The following NTRK2 variants were observed in gnomAD, a reference collection of about 807,000 sequenced individuals.
NTRK2 encodes BDNF/NT-3 growth factors receptor.
Under a neutral mutation model 94.5 loss-of-function variants are expected in NTRK2, and 13 were observed. That is an observed-to-expected ratio of 0.14 (90% CI 0.09 to 0.22). The LOEUF is 0.22. Ranked by LOEUF, NTRK2 falls within the 10% of genes least tolerant of loss-of-function variation. The pLI, the probability that NTRK2 is intolerant of heterozygous loss-of-function variation, is 1.00. For synonymous variants in NTRK2, 372 were observed against 407.4 expected (o/e 0.91, Z 1.05); for missense variants, 639 against 1,071.2 (o/e 0.60, Z 5.63).
intron 17 of NTRK2, among the ~76,000 whole-genome samples, chr9:84,981,291 TG>T (rs1420174872): frequency 1.3e-5 from 2 of 150,956 alleles, no homozygotes. Flanking sequence ...TAGTAGAGAG[TG>T]GTTTTTGCCA....
intron 17 of NTRK2, among the ~76,000 whole-genome samples, chr9:85,004,636 G>A (rs896795380): frequency 1.3e-5 from 2 of 152,102 alleles, no homozygotes; most frequent in African/African-American, 4.8e-5. Context: ...TTGACTAAGG[G>A]ATTTAGAGGC....
chr9:84,678,300 T>A (rs1476217538), intron 2 of NTRK2, among the ~76,000 whole-genome samples: 1 of 152,238 alleles, frequency 6.6e-6, no homozygotes, highest in Admixed American at 6.5e-5. Context: ...GCATTGACCC[T>A]GTTAGCCGAC....
At chr9:84,854,080 A>AAAAAG (rs924535393) in intron 12 of NTRK2, among the ~76,000 whole-genome samples, 5 of 151,932 alleles carry the variant, frequency 3.3e-5, no homozygotes, top group African/African-American at 4.8e-5. Context: ...TCAAAAAAAA[A>AAAAAG]AAAAGAAAAG....
At chr9:84,904,348 C>A (rs1200620711) in intron 14 of NTRK2, among the ~76,000 whole-genome samples, 1 of 152,148 alleles carries the variant, frequency 6.6e-6, no homozygotes, top group Admixed American at 6.5e-5. Context: ...GCAAGGCAAC[C>A]ATTTATTCTT....
At chr9:84,745,488 C>T (rs113251339) in intron 11 of NTRK2, among the ~76,000 whole-genome samples, 2,533 of 152,160 alleles carry the variant, frequency 0.017, 79 homozygotes, top group African/African-American at 0.057. Flanking sequence ...ATCATATGAA[C>T]AAAATTAAGA....
chr9:84,847,094 T>C (rs539773486), intron 12 of NTRK2, among the ~76,000 whole-genome samples: 2 of 152,322 alleles, frequency 1.3e-5, no homozygotes, highest in South Asian at 2.1e-4. Context: ...ATTGCTAAAA[T>C]AGGCTGTCCT....
chr9:84,728,870 A>AGTGG (rs1169237677), intron 9 of NTRK2, among the ~76,000 whole-genome samples: 3 of 152,366 alleles, frequency 2.0e-5, no homozygotes, highest in African/African-American at 7.2e-5. Context: ...GCTGTCCTTC[A>AGTGG]GTGGAGTGTT....
At chr9:84,920,767 A>G (rs535035352) in intron 14 of NTRK2, among the ~76,000 whole-genome samples, 1 of 152,260 alleles carries the variant, frequency 6.6e-6, no homozygotes, top group South Asian at 2.1e-4. Flanking sequence ...TCACCTCACC[A>G]ATCTAAAGGG....
intron 12 of NTRK2, among the ~76,000 whole-genome samples, chr9:84,781,334 T>C (rs2067541475): frequency 6.6e-6 from 1 of 152,190 alleles, no homozygotes; most frequent in African/African-American, 2.4e-5. Context: ...TACTTACAGC[T>C]GAGTGTTTTT....
intron 12 of NTRK2, among the ~76,000 whole-genome samples, chr9:84,819,480 G>A (rs1038290887): frequency 3.9e-5 from 6 of 152,272 alleles, no homozygotes; most frequent in East Asian, 3.9e-4. Context: ...TCCTCTTTGC[G>A]TTTACTCCAG....
At chr9:84,734,460 C>T (rs2063112031) in intron 9 of NTRK2, among the ~76,000 whole-genome samples, 1 of 152,188 alleles carries the variant, frequency 6.6e-6, no homozygotes, top group Non-Finnish European at 1.5e-5. Flanking sequence ...TCTTGAGACT[C>T]TATCATTTTA....
At chr9:84,696,091 C>A (rs923671620) in intron 2 of NTRK2, among the ~76,000 whole-genome samples, 1 of 152,176 alleles carries the variant, frequency 6.6e-6, no homozygotes, top group Non-Finnish European at 1.5e-5. Flanking sequence ...CTCACTGTAG[C>A]CTTAACTTCT....
rs749974759 is a variant in NTRK2 at position 84,680,646 on chromosome 9, G to A, written c.212+9686G>A. On this transcript the variant is annotated intron_variant, in intron 2 of 18. Transcript: ENST00000277120. The stretch of plus-strand genomic sequence containing the variant: ...TTCATGTTCCTCCCATCTTAGAAAA[G>A]TTTTTCTTTAGTGTGATTCCCTCCC... Among the ~76,000 whole-genome samples the A allele has an allele frequency of 3.9e-5, 6 of 152,222 alleles. No homozygotes were observed. The South Asian group carries it at 1.0e-3, about 26-fold the overall frequency.
intron 6 of NTRK2, among the ~76,000 whole-genome samples, chr9:84,717,193 A>G (rs771403887): frequency 1.3e-5 from 2 of 152,346 alleles, no homozygotes; most frequent in African/African-American, 4.8e-5. Flanking sequence ...ACTTTTATAC[A>G]TGTGGAATGA....
rs2132497042 is a variant in NTRK2, at chr9:84,752,072, G to A, written c.1383G>A (p.Lys461=). The A allele has an allele frequency of 6.2e-7, 1 of 1,613,910 alleles. No homozygotes were observed. The change falls in exon 12 of 19, where the codon AAG becomes AAA. Residue 461 remains lysine (K), a synonymous_variant. Transcript: ENST00000277120. ...LFLLKLARHS[K]FGMKDFSWFG... is the part of the protein sequence containing the mutation. Reference sequence around the variant, plus strand: ...TGCTTAAGTTGGCAAGACACTCCAAGTTTGGCATGAAAGGTAAGAAGGGTT... The same window carrying A: ...TGCTTAAGTTGGCAAGACACTCCAAATTTGGCATGAAAGGTAAGAAGGGTT...
chr9:84,898,333 C>T (rs568856111), intron 14 of NTRK2, among the ~76,000 whole-genome samples: 7 of 152,192 alleles, frequency 4.6e-5, no homozygotes, highest in Admixed American at 3.3e-4. Flanking sequence ...CCTGTCTGTC[C>T]GTGGCTGGCT....
At chr9:84,961,083 A>G (rs975042231) in intron 17 of NTRK2, among the ~76,000 whole-genome samples, 1 of 152,206 alleles carries the variant, frequency 6.6e-6, no homozygotes, top group African/African-American at 2.4e-5. Flanking sequence ...GTTGCAGTGA[A>G]GAGCCCAGGG....
At chr9:85,012,366 G>C (rs1234170571) in intron 17 of NTRK2, among the ~76,000 whole-genome samples, 2 of 152,080 alleles carry the variant, frequency 1.3e-5, no homozygotes. Flanking sequence ...ACACAGTTCT[G>C]TGAGTCTTAG....
intron 14 of NTRK2, among the ~76,000 whole-genome samples, chr9:84,905,024 T>C (rs545809361): frequency 3.9e-5 from 6 of 152,160 alleles, no homozygotes; most frequent in Non-Finnish European, 8.8e-5. Context: ...CTGATATGAC[T>C]ATGTAAGCAT....
Sources: allele counts gnomAD v4.1 joint callset (sites outside exome capture counted in the v4.1 genomes callset), GRCh38; gene constraint gnomAD v4.1.1; transcripts MANE v1.5; gene names NCBI Gene and HGNC (gene_info 2026-07-23, HGNC 2026-07-21).